RBKS: variants seen among roughly 807,000 people sequenced by gnomAD.
The protein encoded by RBKS is ribokinase.
RBKS carries 33 observed loss-of-function variants against 33.9 expected under a neutral mutation model. That is an observed-to-expected ratio of 0.97 (90% CI 0.74 to 1.30). The LOEUF (loss-of-function observed/expected upper bound fraction) is 1.30. Ranked by LOEUF, RBKS falls within the 50% of genes most tolerant of loss-of-function variation. The probability of loss-of-function intolerance (pLI) is 0.00; values close to 1 mark genes in which losing one functional copy is unlikely to be tolerated. For synonymous variants in RBKS, 125 were observed against 143.0 expected (o/e 0.87, Z 0.90); for missense variants, 361 against 392.6 (o/e 0.92, Z 0.68).
chr2:27,868,571 T>G (rs1408171357), intron 1 of RBKS, among the ~76,000 whole-genome samples: 4 of 152,218 alleles, frequency 2.6e-5, no homozygotes, highest in African/African-American at 9.6e-5. Flanking sequence ...TTAACAGTCA[T>G]TTATATAAGA....
intron 1 of RBKS, among the ~76,000 whole-genome samples, chr2:27,875,737 T>G (rs1168603108): frequency 6.6e-6 from 1 of 152,184 alleles, no homozygotes; most frequent in Non-Finnish European, 1.5e-5. Context: ...TTTGTATCTC[T>G]ACGTAACAGA....
chr2:27,851,332 C>T lies in RBKS; in HGVS notation c.223-3235G>A, dbSNP rs114245144. ...CTTCCCTACTCTGGCCCTTGTTAAT[C>T]CTCTCATCTCCACACCTCCTATGAC... On this transcript the variant is annotated intron_variant, in intron 2 of 7. Coordinates refer to ENST00000302188, the MANE Select transcript of RBKS (RefSeq NM_022128.3). Among the ~76,000 whole-genome samples the T allele has an allele frequency of 5.0e-3, 754 of 152,292 alleles. 5 individuals are homozygous for T. Among genetic ancestry groups the T allele is most frequent in the Non-Finnish European group, 7.4e-3 (505 of 68,028 alleles).
chr2:27,824,128 C>T (rs531535696), intron 7 of RBKS, among the ~76,000 whole-genome samples: 4 of 152,230 alleles, frequency 2.6e-5, no homozygotes, highest in African/African-American at 9.6e-5. Flanking sequence ...GAAATAAAAT[C>T]ATAATATATG....
At chr2:27,813,134 G>A (rs1375527922) in intron 7 of RBKS, among the ~76,000 whole-genome samples, 1 of 152,014 alleles carries the variant, frequency 6.6e-6, no homozygotes, top group African/African-American at 2.4e-5. Context: ...GGATACTCCT[G>A]GGGCAGCAGG....
chr2:27,824,886 C>G (rs1349761693), intron 7 of RBKS, among the ~76,000 whole-genome samples: 1 of 152,124 alleles, frequency 6.6e-6, no homozygotes, highest in Non-Finnish European at 1.5e-5. Context: ...CCTATAATCC[C>G]AGCACTCTAG....
intron 7 of RBKS, among the ~76,000 whole-genome samples, chr2:27,797,487 C>A (rs941443650): frequency 6.6e-6 from 1 of 152,184 alleles, no homozygotes; most frequent in African/African-American, 2.4e-5. Flanking sequence ...GTACCAAGGT[C>A]ATCTGTGCAG....
At chr2:27,850,827 A>G (rs1663732322) in intron 2 of RBKS, among the ~76,000 whole-genome samples, 1 of 152,186 alleles carries the variant, frequency 6.6e-6, no homozygotes, top group South Asian at 2.1e-4. Context: ...TCAGTTCTCA[A>G]TACTTAAATA....
intron 1 of RBKS, among the ~76,000 whole-genome samples, chr2:27,887,635 T>C (rs1260746196): frequency 6.6e-6 from 1 of 152,168 alleles, no homozygotes; most frequent in East Asian, 1.9e-4. Flanking sequence ...AGAGAGTCTA[T>C]ATGGGAATAC....
At chr2:27,859,031 C>T (rs1663919191) in intron 1 of RBKS, among the ~76,000 whole-genome samples, 1 of 152,122 alleles carries the variant, frequency 6.6e-6, no homozygotes, top group Non-Finnish European at 1.5e-5. Flanking sequence ...TAATCAAGTA[C>T]AGGACCTAAG....
chr2:27,789,925 G>GTATATATATATA (rs376783086), intron 7 of RBKS, among the ~76,000 whole-genome samples: 1 of 130,628 alleles, frequency 7.7e-6, no homozygotes, highest in African/African-American at 2.9e-5. Context: ...GTTTGTGTGT[G>GTATATATATATA]TATATATATA....
At chr2:27,863,682 CT>C (rs1327250343) in intron 1 of RBKS, among the ~76,000 whole-genome samples, 1 of 152,218 alleles carries the variant, frequency 6.6e-6, no homozygotes, top group Non-Finnish European at 1.5e-5. Context: ...ATCTTTTCTC[CT>C]TTTGGCTGCA....
chr2:27,865,049 G>A (rs768956568), intron 1 of RBKS, among the ~76,000 whole-genome samples: 4 of 152,182 alleles, frequency 2.6e-5, no homozygotes, highest in African/African-American at 9.6e-5. Context: ...GGCCGGGCGC[G>A]ACGGCTCACG....
chr2:27,832,348 T>G (rs1678434054), intron 6 of RBKS, among the ~76,000 whole-genome samples: 1 of 152,304 alleles, frequency 6.6e-6, no homozygotes, highest in Admixed American at 6.5e-5. Context: ...CATCCTGCAT[T>G]TTTACTTGCT....
intron 7 of RBKS, among the ~76,000 whole-genome samples, chr2:27,802,343 T>C (rs1677812338): frequency 6.6e-6 from 1 of 152,006 alleles, no homozygotes; most frequent in South Asian, 2.1e-4. Flanking sequence ...AGGTTAGCTG[T>C]ATTAAATGCA....
intron 1 of RBKS, among the ~76,000 whole-genome samples, chr2:27,876,605 A>G (rs368025701): frequency 2.9e-4 from 44 of 152,172 alleles, no homozygotes; most frequent in African/African-American, 9.4e-4. Context: ...AATGTACCTA[A>G]AGTAGTCAAA....
At chr2:27,835,890 T>C (rs1374985733) in intron 5 of RBKS, among the ~76,000 whole-genome samples, 1 of 152,220 alleles carries the variant, frequency 6.6e-6, no homozygotes. Context: ...ACAGGTTAAG[T>C]GCTGTATGAG....
chr2:27,864,925 G>T (rs982772643), intron 1 of RBKS, among the ~76,000 whole-genome samples: 5 of 152,128 alleles, frequency 3.3e-5, no homozygotes, highest in African/African-American at 1.2e-4. Flanking sequence ...AGAAGGGGAG[G>T]GTCTCTAGGT....
At position 27,808,882 on chromosome 2, in the gene RBKS, A is replaced by G. The variant is rs561008121; in HGVS notation, c.795+18685T>C. Among the ~76,000 whole-genome samples the G allele has an allele frequency of 6.6e-5, 10 of 152,334 alleles. No homozygotes were observed. In the South Asian group the frequency reaches 1.4e-3, roughly 22 times the overall value. Reference sequence around the variant, plus strand: ...AAGCCTGAGCCTCACCCTCTAGGTAATCTTCAGCCATCTCTGAAAACTCTT... The same window carrying G: ...AAGCCTGAGCCTCACCCTCTAGGTAGTCTTCAGCCATCTCTGAAAACTCTT... On this transcript the variant is annotated intron_variant, in intron 7 of 7. Transcript: ENST00000302188.
chr2:27,886,785 G>A (rs1664537746), intron 1 of RBKS, among the ~76,000 whole-genome samples: 2 of 152,050 alleles, frequency 1.3e-5, no homozygotes, highest in African/African-American at 4.8e-5. Context: ...CTGGGTAGTA[G>A]CCTTTACTAG....
Sources: gnomAD v4.1 joint callset for allele counts (sites outside exome capture counted in the v4.1 genomes callset) on GRCh38, gnomAD v4.1.1 for gene constraint, MANE v1.5 for transcripts, NCBI Gene and HGNC (gene_info 2026-07-23, HGNC 2026-07-21) for gene names.